STAG3: variants seen among roughly 807,000 people sequenced by gnomAD.
STAG3 encodes the protein STAG3 cohesin complex component.
Under a neutral mutation model 160.7 loss-of-function variants are expected in STAG3, and 101 were observed. The observed-to-expected ratio is 0.63, with a 90% CI of 0.54 to 0.74. STAG3 has a LOEUF of 0.74. Among genes scored for constraint, STAG3 ranks in the 30% least tolerant of loss-of-function variants. STAG3 has a pLI of 0.00. For synonymous variants in STAG3, 519 were observed against 585.0 expected, an observed-to-expected ratio of 0.89 and a Z score of 1.63; for missense variants, 1,188 against 1,517.4, an observed-to-expected ratio of 0.78 and a Z score of 3.61.
chr7:100,187,333 TTTG>T (rs1243886613), intron 5 of STAG3, among the ~76,000 whole-genome samples: 1 of 151,720 alleles, frequency 6.6e-6, no homozygotes, highest in African/African-American at 2.4e-5. Context: ...TGTTTTTTGG[TTTG>T]TTTTTTTTTT....
In STAG3 at chr7:100,201,228, C is replaced by A. The variant is rs200967267; in HGVS notation, c.2133-36C>A. ...GTCTGTGGAGTTGGTTCCCTCTGTT[C>A]TTTTCCAGTATAACATTCCCCTTTC... On this transcript the variant is annotated intron_variant, in intron 20 of 33. Transcript: ENST00000615138. 2.2e-4 allele frequency: 361 copies of A among 1,613,818 alleles called. 2 individuals are homozygous for A. In the East Asian group the frequency reaches 7.6e-3, roughly 34 times the overall value.
At chr7:100,206,703 C>G (rs1160604012) in intron 29 of STAG3, among the ~76,000 whole-genome samples, 4 of 152,244 alleles carry the variant, frequency 2.6e-5, no homozygotes, top group Non-Finnish European at 5.9e-5. Context: ...AACTCCTGAC[C>G]TTGTGATCTG....
chr7:100,211,785 C>G lies in STAG3; in HGVS notation c.3519-10C>G. The G allele has an allele frequency of 6.2e-7, 1 of 1,613,728 alleles. No individual in the cohort carries two copies. Among genetic ancestry groups the G allele is most frequent in the East Asian group, 2.2e-5 (1 of 44,878 alleles). ...AGTTTGAAAAGCCAGTCTCTTTGCC[C>G]CTACATCAGACTCAGCCTTATGGAA... On this transcript the variant is annotated splice_polypyrimidine_tract_variant and intron_variant, in intron 31 of 33. Transcript: ENST00000615138.
chr7:100,188,653 G>T, intron 6 of STAG3, 124 bp downstream of exon 6: 4 of 1,108,516 alleles, frequency 3.6e-6, no homozygotes, highest in Non-Finnish European at 5.5e-6. Context: ...TCTCTTGGGG[G>T]TAAAAGAGAT....
At position 100,186,314 on chromosome 7, in the gene STAG3, C is replaced by T. The variant is rs765292419; in HGVS notation, c.433+18C>T. 6.3e-7 allele frequency: 1 copy of T among 1,595,114 alleles called. No individual in the cohort carries two copies. The highest frequency in any genetic ancestry group is 1.1e-5 in the South Asian group (1 of 90,600). ...ATGTAAAGGTGAGGAAACTGCTCCC[C>T]CTTTCTAATTCCCAGCCTTTTGTTC... On this transcript the variant is annotated intron_variant, in intron 5 of 33. Coordinates refer to ENST00000615138, the MANE Select transcript of STAG3 (RefSeq NM_001282717.2).
chr7:100,205,147 T>C lies in STAG3; in HGVS notation c.3080+14T>C. On this transcript the variant is annotated intron_variant, in intron 28 of 33. Transcript: ENST00000615138. ...CAAGCAGCTTTTGTAAGTTGGTGGGTGGATAGAGATGTGGATTAGGGAAGG... is the reference window on the plus strand; with the variant it reads ...CAAGCAGCTTTTGTAAGTTGGTGGGCGGATAGAGATGTGGATTAGGGAAGG... 1 of 1,613,816 alleles carries C rather than the reference T, an allele frequency of 6.2e-7. No individual in the cohort carries two copies. Among genetic ancestry groups the C allele is most frequent in the East Asian group, 2.2e-5 (1 of 44,860 alleles).
chr7:100,207,245 T>C lies in STAG3; in HGVS notation c.3238+1861T>C, dbSNP rs962931495. On this transcript the variant is annotated intron_variant, in intron 29 of 33. Transcript: ENST00000615138. This position sits in a 1 kb window ranked among gnomAD's most constrained non-coding sequence, Gnocchi z 4.0. ...TCTTGAGATATACCTGGGAGTGGAA[T>C]TGCTGGTTCGTATGGCAATTCTATG... 2.6e-5 allele frequency among the ~76,000 whole-genome samples: 4 copies of C among 152,200 alleles called. No individual in the cohort carries two copies. Among genetic ancestry groups the C allele is most frequent in the Non-Finnish European group, 4.4e-5 (3 of 68,036 alleles).
At chr7:100,218,652 G>A (rs1636987), downstream of STAG3, 9 of 378,330 alleles carry the variant, frequency 2.4e-5, 3 homozygotes, top group East Asian at 6.4e-4. Context: ...GTAAGTCACC[G>A]CATCCTTATA....
At chr7:100,204,451 G>C (rs1271548469) in intron 26 of STAG3, among the ~76,000 whole-genome samples, 176 bp from the exon 27 acceptor site, 1 of 152,202 alleles carries the variant, frequency 6.6e-6, no homozygotes, top group Non-Finnish European at 1.5e-5. Flanking sequence ...GAGTAGAGGT[G>C]ATTGGCTTTG....
rs1801160065 is a variant in STAG3 at position 100,201,814 on chromosome 7, A to G, written c.2249A>G (p.Tyr750Cys). The G allele has an allele frequency of 4.3e-6, 7 of 1,613,858 alleles. No homozygotes were observed. The highest frequency in any genetic ancestry group is 5.9e-6 in the Non-Finnish European group (7 of 1,179,970). ...QVILPALTLVYFSILWTLTHI... is the reference protein window; with the variant it reads ...QVILPALTLVCFSILWTLTHI... ...ATCCTGCCAGCCTTGACTCTTGTCT[A>G]TTTTTCCATTCTCTGGACACTAACC... Residue 750 changes from tyrosine (Y) to cysteine (C), a missense_variant, in exon 22 of 34, where the codon TAT (tyrosine) becomes TGT (cysteine). Tyr to Cys is a radical substitution (Grantham distance 194). Around this residue, in one of 4 missense-constraint regions of STAG3, gnomAD observed 647 missense variants for 717.2 expected, o/e 0.90. Transcript: ENST00000615138.
At chr7:100,213,444 G>C in intron 32 of STAG3, 1 of 985,354 alleles carries the variant, frequency 1.0e-6, no homozygotes. Flanking sequence ...TCAAACCAGA[G>C]ACTAGAGAGC....
At chr7:100,206,532 C>T (rs1394997584) in intron 29 of STAG3, among the ~76,000 whole-genome samples, 1 of 151,748 alleles carries the variant, frequency 6.6e-6, no homozygotes, top group Non-Finnish European at 1.5e-5. Flanking sequence ...AGTCCAGTGG[C>T]GTGATCTCGA....
At chr7:100,192,643 T>C (rs1800412078) in intron 8 of STAG3, among the ~76,000 whole-genome samples, 1 of 152,240 alleles carries the variant, frequency 6.6e-6, no homozygotes, top group African/African-American at 2.4e-5. Context: ...TAGACCGGAA[T>C]GTACTGGTGC....
Position 100,198,871 on chromosome 7 carries a change from A to G in STAG3, c.1381A>G (p.Met461Val). 2 of 1,612,278 alleles carry G rather than the reference A, an allele frequency of 1.2e-6. No individual in the cohort carries two copies. The highest frequency in any genetic ancestry group is 2.2e-5 in the South Asian group (2 of 91,002). The change falls in exon 14 of 34, where the codon ATG becomes GTG. Residue 461 changes from methionine to valine, a missense_variant. Transcript: ENST00000615138. ...KLFYPECEIR[M>V]MGGREQRQSP... The stretch of plus-strand genomic sequence containing the variant: ...CTTCTACCCTGAGTGCGAGATAAGA[A>G]TGATGGGTGGAAGAGAGCAACGCCA...
At chr7:100,215,323 C>G (rs114754509), downstream of STAG3, 1 of 152,210 alleles carries the variant, frequency 6.6e-6, no homozygotes, top group South Asian at 2.1e-4. Context: ...AAGACCACCT[C>G]GCCCCTTTCA....
At position 100,180,522 on chromosome 7, in the gene STAG3, C is replaced by T. The variant is rs1340348120; in HGVS notation, c.-35C>T. On this transcript the variant is annotated 5_prime_UTR_variant, in exon 2 of 34. Transcript: ENST00000615138. ...ATCGCCATACCTACCCTGTGGTCCT[C>T]ATCTTCCTGGCCTCATAGCTCCTCC... is the stretch of plus-strand genomic sequence containing the variant. 7.6e-7 allele frequency: 1 copy of T among 1,315,810 alleles called. No individual in the cohort carries two copies. The highest frequency in any genetic ancestry group is 1.1e-6 in the Non-Finnish European group (1 of 907,950). The allele number at this position is 1,315,810 out of a possible 1,614,324, so 81.5% of individuals were successfully genotyped here. A position where few individuals can be genotyped will look rare whatever the true frequency, so the allele number is the denominator to read the frequency against.
rs1364361065 is a variant in STAG3, at chr7:100,201,150, G to A, written c.2122G>A (p.Ala708Thr). The change falls in exon 20 of 34, where the codon GCC becomes ACC. Residue 708 changes from alanine (A) to threonine (T), a missense_variant. This residue lies in a region of STAG3 where 647 missense variants were observed against 717.2 expected (regional missense o/e 0.90). Coordinates refer to ENST00000615138, the MANE Select transcript of STAG3 (RefSeq NM_001282717.2). ...NLAATLKRLS[A>T]FYNTHDLTRW... is the part of the protein sequence containing the mutation. ...GGCAGCCACTCTGAAACGCCTCTCT[G>A]CCTTCTACAAGTGAGTGGCTTTCCT... 4 of 1,614,098 alleles carry A rather than the reference G, an allele frequency of 2.5e-6. No homozygotes were observed. Among genetic ancestry groups the A allele is most frequent in the Non-Finnish European group, 3.4e-6 (4 of 1,180,052 alleles).
chr7:100,205,722 C>A (rs1475229293), intron 29 of STAG3, among the ~76,000 whole-genome samples: 6 of 151,566 alleles, frequency 4.0e-5, no homozygotes, highest in African/African-American at 1.5e-4. Context: ...CCCAACTACT[C>A]AGGAGGCTGA....
rs776589614 is a variant in STAG3 at position 100,202,435 on chromosome 7, T to G, written c.2564-19T>G. The G allele has an allele frequency of 3.7e-6, 6 of 1,611,582 alleles. No individual in the cohort carries two copies. The highest frequency in any genetic ancestry group is 5.1e-6 in the Non-Finnish European group (6 of 1,178,114). Reference sequence around the variant, plus strand: ...GAAGCTTAAGTCTGTGATTCCCTTTTGCCTTCCATGTGAGCCAGGTGATTC... The same window carrying G: ...GAAGCTTAAGTCTGTGATTCCCTTTGGCCTTCCATGTGAGCCAGGTGATTC... On this transcript the variant is annotated intron_variant, in intron 24 of 33. Coordinates refer to ENST00000615138, the MANE Select transcript of STAG3 (RefSeq NM_001282717.2).
Sources: gnomAD v4.1 joint callset for allele counts (sites outside exome capture counted in the v4.1 genomes callset) on GRCh38, gnomAD v4.1.1 for gene constraint, gnomAD v4.1.1 regional missense constraint, Gnocchi (gnomAD v3.1) non-coding constraint, MANE v1.5 for transcripts, NCBI Gene and HGNC (gene_info 2026-07-23, HGNC 2026-07-21) for gene names.